Variants in LIN7A observed in about 807,000 individuals in gnomAD.
LIN7A encodes the protein protein lin-7 homolog A.
A neutral mutation model predicts 29.8 loss-of-function variants in LIN7A; 25 were observed. That is an observed-to-expected ratio of 0.84 (90% CI 0.61 to 1.17). LIN7A has a LOEUF of 1.17. Among genes scored for constraint, LIN7A ranks in the 50% most tolerant of loss-of-function variants. The probability of loss-of-function intolerance (pLI) is 0.00; values close to 1 mark genes in which losing one functional copy is unlikely to be tolerated. For synonymous variants in LIN7A, 118 were observed against 107.5 expected (o/e 1.10, Z -0.60); for missense variants, 239 against 287.0 (o/e 0.83, Z 1.21).
At chr12:80,867,250 T>C (rs1470523762) in intron 2 of LIN7A, among the ~76,000 whole-genome samples, 4 of 152,160 alleles carry the variant, frequency 2.6e-5, no homozygotes, top group East Asian at 1.9e-4. Flanking sequence ...CCTAGTCCCA[T>C]GTCTCTTTTA....
At position 80,845,736 on chromosome 12, in the gene LIN7A, G is replaced by T. The variant is rs150476261; in HGVS notation, c.477C>A (p.Asn159Lys). The stretch of plus-strand genomic sequence containing the variant: ...GGTTATTTTATAAACATACCACTCC[G>T]TTCACTGATAGCAGCTGGTCTCCTC... ...LKRGDQLLSV[N>K]GVSVEGEHHE... Residue 159 changes from asparagine to lysine, a missense_variant, in exon 4 of 6, where the codon AAC becomes AAA. By Grantham distance (94) the Asn-to-Lys change is moderately conservative. Coordinates refer to ENST00000552864, the MANE Select transcript of LIN7A (RefSeq NM_004664.4). 9 of 1,611,938 alleles carry T rather than the reference G, an allele frequency of 5.6e-6. No homozygotes were observed. The highest frequency in any genetic ancestry group is 7.6e-6 in the Non-Finnish European group (9 of 1,178,964).
At chr12:80,933,884 T>C (rs1339808511) in intron 1 of LIN7A, among the ~76,000 whole-genome samples, 1 of 152,168 alleles carries the variant, frequency 6.6e-6, no homozygotes, top group African/African-American at 2.4e-5. Context: ...GCACTTGTAG[T>C]TGTTTATGTG....
chr12:80,876,114 C>A (rs1349163958), intron 2 of LIN7A, among the ~76,000 whole-genome samples: 1 of 150,974 alleles, frequency 6.6e-6, no homozygotes, highest in East Asian at 1.9e-4. Flanking sequence ...GACAGAGAGA[C>A]AGAGAGAGAG....
intron 2 of LIN7A, among the ~76,000 whole-genome samples, chr12:80,859,207 G>A (rs969793668): frequency 6.6e-6 from 1 of 152,148 alleles, no homozygotes; most frequent in Non-Finnish European, 1.5e-5. Flanking sequence ...AAGACTTATA[G>A]TTTGGGAGGT....
intron 2 of LIN7A, among the ~76,000 whole-genome samples, chr12:80,872,028 G>T (rs1874452030): frequency 6.6e-6 from 1 of 152,008 alleles, no homozygotes. Context: ...AGAAATTCAA[G>T]TTGAAGAAAA....
At chr12:80,933,156 T>G (rs1472616472) in intron 1 of LIN7A, among the ~76,000 whole-genome samples, 3 of 152,214 alleles carry the variant, frequency 2.0e-5, no homozygotes, top group Admixed American at 1.3e-4. Context: ...ATTACAGTGC[T>G]CAGTATATTT....
intron 2 of LIN7A, among the ~76,000 whole-genome samples, chr12:80,854,485 CCAAAAAAAA>C (rs1251210079): frequency 1.9e-4 from 7 of 37,112 alleles, no homozygotes; most frequent in Non-Finnish European, 3.5e-4. Context: ...TGTTGCTAAG[CCAAAAAAAA>C]AAAAAAAAAA....
chr12:80,916,481 A>T (rs1440274642), intron 1 of LIN7A, among the ~76,000 whole-genome samples: 1 of 152,022 alleles, frequency 6.6e-6, no homozygotes, highest in Non-Finnish European at 1.5e-5. Flanking sequence ...AGGCATTTAC[A>T]CTTGCTGTTT....
Position 80,816,955 on chromosome 12 carries a change from G to A in LIN7A, c.484-5272C>T, listed in dbSNP as rs142548742. Among the ~76,000 whole-genome samples the A allele has an allele frequency of 7.6e-3, 1,163 of 152,270 alleles. 9 individuals are homozygous for A. Among genetic ancestry groups the A allele is most frequent in the Non-Finnish European group, 0.013 (887 of 68,012 alleles). ...AGCTACTTTTTGTATTTTTAGTAAA[G>A]ACAGGGTTTGCCACATTGGCCAGGC... On this transcript the variant is annotated intron_variant, in intron 4 of 5. Transcript: ENST00000552864.
At chr12:80,822,477 G>A (rs1281198242) in intron 4 of LIN7A, among the ~76,000 whole-genome samples, 1 of 152,162 alleles carries the variant, frequency 6.6e-6, no homozygotes, top group Non-Finnish European at 1.5e-5. Flanking sequence ...AGAATTGCTT[G>A]AACCCAGGGG....
chr12:80,835,916 CTTAAG>C (rs1386504480), intron 4 of LIN7A, among the ~76,000 whole-genome samples: 2 of 151,784 alleles, frequency 1.3e-5, no homozygotes, highest in African/African-American at 4.8e-5. Flanking sequence ...GAAAATTGCT[CTTAAG>C]TTGTTATCAT....
intron 4 of LIN7A, among the ~76,000 whole-genome samples, chr12:80,812,450 TAAAAAAAAAAA>T (rs199686456): frequency 2.3e-4 from 30 of 131,524 alleles, no homozygotes; most frequent in Non-Finnish European, 3.2e-4. Context: ...TCAAACACTG[TAAAAAAAAAAA>T]AAAAAAAAAA....
intron 2 of LIN7A, among the ~76,000 whole-genome samples, chr12:80,886,593 G>A (rs1875339100): frequency 6.6e-6 from 1 of 152,002 alleles, no homozygotes; most frequent in African/African-American, 2.4e-5. Context: ...AACGTGCATT[G>A]CCTTTAAGAA....
chr12:80,894,716 T>C (rs558453620), intron 1 of LIN7A, among the ~76,000 whole-genome samples: 28 of 152,272 alleles, frequency 1.8e-4, no homozygotes, highest in African/African-American at 6.7e-4. Flanking sequence ...AGGAAGTGGT[T>C]CACAAATGCA....
chr12:80,837,840 C>CTCATCATCATCA (rs112671811), intron 4 of LIN7A, among the ~76,000 whole-genome samples: 22 of 150,558 alleles, frequency 1.5e-4, no homozygotes, highest in African/African-American at 5.1e-4. Flanking sequence ...CATCATCATC[C>CTCATCATCATCA]TCATCATCAT....
chr12:80,911,350 A>G (rs1253911927), intron 1 of LIN7A, among the ~76,000 whole-genome samples: 1 of 151,048 alleles, frequency 6.6e-6, no homozygotes, highest in African/African-American at 2.4e-5. Context: ...TCCTAGGCTA[A>G]AGAGATCCTC....
Position 80,792,847 on chromosome 12 carries a change from T to G in LIN7A, c.*4880A>C, listed in dbSNP as rs1870266714. ...GAAATATTTATCACATGTCAGAAAT[T>G]TTCTGGTCTGTACCTTTAACCATGT... On this transcript the variant is annotated 3_prime_UTR_variant, in exon 6 of 6. Transcript: ENST00000552864. The G allele has an allele frequency of 6.6e-6, 1 of 152,140 alleles. No individual in the cohort carries two copies. The highest frequency in any genetic ancestry group is 1.5e-5 in the Non-Finnish European group (1 of 68,006). 9.4% of individuals were successfully genotyped at this position (152,140 alleles called of 1,614,324 possible).
rs1279260888 is a variant in LIN7A at position 80,848,255 on chromosome 12, G to T, written c.269C>A (p.Ala90Glu). The T allele has an allele frequency of 6.2e-7, 1 of 1,611,548 alleles. No individual in the cohort carries two copies. The highest frequency in any genetic ancestry group is 8.5e-7 in the Non-Finnish European group (1 of 1,178,026). The stretch of plus-strand genomic sequence containing the variant: ...TTAAAGTTACTCAAGCCTTACCTTT[G>T]CTGTTGCCCTCGCACGGAATTCGGG... ...GCPEFRARAT[A>E]KATVAAFAAS... The change falls in exon 3 of 6, where the codon GCA (alanine) becomes GAA (glutamate). Residue 90 changes from alanine to glutamate, a missense_variant. Physicochemically the swap from Ala to Glu is moderately radical, Grantham distance 107. Coordinates refer to ENST00000552864, the MANE Select transcript of LIN7A (RefSeq NM_004664.4).
At chr12:80,870,357 A>G (rs908921811) in intron 2 of LIN7A, among the ~76,000 whole-genome samples, 3 of 152,228 alleles carry the variant, frequency 2.0e-5, no homozygotes, top group African/African-American at 4.8e-5. Context: ...GGTATCCTTG[A>G]GAATTTTCAG....
Sources: gnomAD v4.1 joint callset for allele counts (sites outside exome capture counted in the v4.1 genomes callset) on GRCh38, gnomAD v4.1.1 for gene constraint, MANE v1.5 for transcripts, NCBI Gene and HGNC (gene_info 2026-07-23, HGNC 2026-07-21) for gene names.